Variants in RIMS2 observed in about 807,000 individuals in gnomAD.
The protein encoded by RIMS2 is regulating synaptic membrane exocytosis protein 2.
A neutral mutation model predicts 174.4 loss-of-function variants in RIMS2; 59 were observed. The observed-to-expected ratio is 0.34, with a 90% CI of 0.27 to 0.42. The LOEUF (loss-of-function observed/expected upper bound fraction) is 0.42, where lower values mean the gene tolerates loss of function less well. Ranked by LOEUF, RIMS2 falls within the 10% of genes least tolerant of loss-of-function variation. The pLI, the probability that RIMS2 is intolerant of heterozygous loss-of-function variation, is 1.00. For missense variants in RIMS2, 1,620 were observed against 1,666.3 expected (o/e 0.97, Z 0.48); for synonymous variants, 606 against 572.5 (o/e 1.06, Z -0.84).
At chr8:103,853,770 G>A (rs1230513458) in intron 3 of RIMS2, among the ~76,000 whole-genome samples, 1 of 152,120 alleles carries the variant, frequency 6.6e-6, no homozygotes, top group Non-Finnish European at 1.5e-5. Context: ...GTACCATGCT[G>A]TTTTGGTTAC....
intron 15 of RIMS2, among the ~76,000 whole-genome samples, chr8:103,967,625 G>A (rs975781264): frequency 8.6e-5 from 13 of 151,898 alleles, no homozygotes; most frequent in African/African-American, 1.5e-4. Flanking sequence ...AGAGTGGTAC[G>A]GTAATCTCCA....
At chr8:104,007,261 C>T (rs969103412) in intron 17 of RIMS2, among the ~76,000 whole-genome samples, 4 of 152,100 alleles carry the variant, frequency 2.6e-5, no homozygotes, top group African/African-American at 9.7e-5. Context: ...TCTATTTCCA[C>T]CCTCATTACT....
At chr8:104,010,614 A>G (rs2095727533) in intron 17 of RIMS2, among the ~76,000 whole-genome samples, 1 of 152,318 alleles carries the variant, frequency 6.6e-6, no homozygotes, top group East Asian at 1.9e-4. Flanking sequence ...AATGATGGAC[A>G]GTAGCCTAGA....
At chr8:103,521,429 AT>A (rs997249554) in intron 1 of RIMS2, among the ~76,000 whole-genome samples, 6 of 152,024 alleles carry the variant, frequency 3.9e-5, no homozygotes, top group Non-Finnish European at 7.4e-5. Flanking sequence ...CAGTTATGGT[AT>A]ATATACAGTT....
chr8:103,643,004 GTTCCT>G (rs2096260351), intron 1 of RIMS2, among the ~76,000 whole-genome samples: 1 of 151,754 alleles, frequency 6.6e-6, no homozygotes, highest in Admixed American at 6.6e-5. Flanking sequence ...TATTTCCTTT[GTTCCT>G]TTCTTCTCCA....
At chr8:104,073,744 A>AC (rs2097238201) in intron 19 of RIMS2, among the ~76,000 whole-genome samples, 1 of 152,154 alleles carries the variant, frequency 6.6e-6, no homozygotes. Flanking sequence ...TGCATGCCTG[A>AC]CCCTAGGCAC....
chr8:104,186,246 A>T (rs1326845370), intron 19 of RIMS2, among the ~76,000 whole-genome samples: 2 of 151,638 alleles, frequency 1.3e-5, no homozygotes, highest in East Asian at 3.9e-4. Flanking sequence ...GAGTGAAGGG[A>T]TGGATGACGA....
chr8:104,014,812 T>A (rs1030774596), intron 19 of RIMS2, among the ~76,000 whole-genome samples, 197 bp downstream of exon 21: 2 of 152,212 alleles, frequency 1.3e-5, no homozygotes, highest in African/African-American at 4.8e-5. Context: ...AAATAAGGTA[T>A]CTTTATTGCT....
intron 15 of RIMS2, among the ~76,000 whole-genome samples, chr8:103,972,253 G>A (rs1219446221): frequency 6.6e-6 from 1 of 152,094 alleles, no homozygotes; most frequent in East Asian, 1.9e-4. Flanking sequence ...CATGTCATTT[G>A]ATAACTTCAT....
chr8:104,021,113 T>C (rs1378516297), intron 19 of RIMS2, among the ~76,000 whole-genome samples: 1 of 152,108 alleles, frequency 6.6e-6, no homozygotes, highest in Non-Finnish European at 1.5e-5. Flanking sequence ...TATGCTTCAT[T>C]AATTTCATTG....
intron 1 of RIMS2, among the ~76,000 whole-genome samples, chr8:103,597,864 C>A (rs1249810326): frequency 6.6e-6 from 1 of 151,938 alleles, no homozygotes; most frequent in South Asian, 2.1e-4. Context: ...GTGAATAAAA[C>A]TATTAATTAA....
At chr8:103,733,797 G>A (rs907131055) in intron 2 of RIMS2, among the ~76,000 whole-genome samples, 1 of 152,110 alleles carries the variant, frequency 6.6e-6, no homozygotes, top group African/African-American at 2.4e-5. Context: ...GTGGACTTGG[G>A]GAGGGGTGGT....
At chr8:103,570,815 C>A (rs941373995) in intron 1 of RIMS2, among the ~76,000 whole-genome samples, 3 of 152,080 alleles carry the variant, frequency 2.0e-5, no homozygotes, top group African/African-American at 7.2e-5. Flanking sequence ...AGGAGCTTAG[C>A]TTTTAATAAG....
At chr8:103,577,571 T>C (rs1447319111) in intron 1 of RIMS2, among the ~76,000 whole-genome samples, 3 of 152,210 alleles carry the variant, frequency 2.0e-5, no homozygotes, top group African/African-American at 7.2e-5. Flanking sequence ...GTAACAAACC[T>C]GTACATTCTG....
intron 2 of RIMS2, among the ~76,000 whole-genome samples, chr8:103,726,865 A>G (rs569983113): frequency 3.6e-4 from 54 of 150,764 alleles, no homozygotes; most frequent in Non-Finnish European, 6.9e-4. Flanking sequence ...CAGCCTCCCA[A>G]GTAGCTGGGA....
At chr8:104,005,911 A>G (rs1217461303) in intron 17 of RIMS2, among the ~76,000 whole-genome samples, 1 of 152,046 alleles carries the variant, frequency 6.6e-6, no homozygotes, top group Non-Finnish European at 1.5e-5. Flanking sequence ...CAGTCTATGT[A>G]GAACATAGAC....
intron 1 of RIMS2, among the ~76,000 whole-genome samples, chr8:103,519,822 A>G (rs1830777597): frequency 6.6e-6 from 1 of 151,258 alleles, no homozygotes. Flanking sequence ...CTGTAACAAT[A>G]TAATATTTTC....
intron 1 of RIMS2, among the ~76,000 whole-genome samples, chr8:103,597,718 CAT>C (rs751185279): frequency 1.6e-4 from 23 of 143,568 alleles, no homozygotes; most frequent in Non-Finnish European, 3.1e-4. Context: ...AAAGGCACCT[CAT>C]GTTATTATTT....
chr8:103,952,709 C>A (rs1264137035), intron 14 of RIMS2, among the ~76,000 whole-genome samples: 1 of 152,138 alleles, frequency 6.6e-6, no homozygotes. Flanking sequence ...TCTTCTCCTT[C>A]AAAGGATCAC....
Sources: allele counts gnomAD v4.1 joint callset (sites outside exome capture counted in the v4.1 genomes callset), GRCh38; gene constraint gnomAD v4.1.1; transcripts MANE v1.5; gene names NCBI Gene and HGNC (gene_info 2026-07-23, HGNC 2026-07-21).